PRKCQ: variants seen among roughly 807,000 people sequenced by gnomAD.
PRKCQ encodes the protein protein kinase C theta.
In PRKCQ, 41 loss-of-function variants were observed where a neutral mutation model predicts 91.2. The observed-to-expected ratio is 0.45, with a 90% CI of 0.35 to 0.58. The LOEUF (loss-of-function observed/expected upper bound fraction) is 0.58. Among genes scored for constraint, PRKCQ ranks in the 20% least tolerant of loss-of-function variants. PRKCQ has a pLI of 0.00. For synonymous variants in PRKCQ, 307 were observed against 316.9 expected (o/e 0.97, Z 0.33); for missense variants, 673 against 896.5 (o/e 0.75, Z 3.18).
chr10:6,560,533 C>G (rs1312207764), intron 1 of PRKCQ, among the ~76,000 whole-genome samples: 1 of 152,188 alleles, frequency 6.6e-6, no homozygotes, highest in African/African-American at 2.4e-5. Context: ...GCGACTTTGT[C>G]TCCGCCCCTG....
chr10:6,526,346 C>T (rs772101298), intron 1 of PRKCQ, among the ~76,000 whole-genome samples: 1 of 152,164 alleles, frequency 6.6e-6, no homozygotes, highest in Non-Finnish European at 1.5e-5. Context: ...ACACTGCAGT[C>T]AGCCAAAGAG....
chr10:6,405,153 T>A, the PRKCQ span, among the ~76,000 whole-genome samples: 1 of 152,102 alleles, frequency 6.6e-6, no homozygotes, highest in African/African-American at 2.4e-5. Context: ...TGCTAATTTT[T>A]TGTATTTTTG....
At chr10:6,472,076 A>AG (rs903517281) in intron 12 of PRKCQ, among the ~76,000 whole-genome samples, 5 of 152,342 alleles carry the variant, frequency 3.3e-5, no homozygotes, top group African/African-American at 1.2e-4. Flanking sequence ...TGGGAGGCCG[A>AG]GGTGGGTGTA....
intron 12 of PRKCQ, among the ~76,000 whole-genome samples, chr10:6,467,210 G>A (rs995893147): frequency 2.0e-5 from 3 of 152,070 alleles, no homozygotes; most frequent in Admixed American, 6.6e-5. Flanking sequence ...GATGGCTCTC[G>A]AAAGAAAGAA....
chr10:6,420,588 A>AT, the PRKCQ span, among the ~76,000 whole-genome samples: 3 of 152,046 alleles, frequency 2.0e-5, no homozygotes, highest in South Asian at 2.1e-4. Context: ...GCAGAGGATA[A>AT]TTTTTTTGAG....
chr10:6,419,047 ATCTC>A, the PRKCQ span, among the ~76,000 whole-genome samples: 2 of 150,852 alleles, frequency 1.3e-5, no homozygotes, highest in African/African-American at 2.4e-5. Flanking sequence ...TCATCCATCT[ATCTC>A]TATCTATGTA....
chr10:6,545,427 G>C (rs186515925), intron 1 of PRKCQ, among the ~76,000 whole-genome samples: 99 of 152,324 alleles, frequency 6.5e-4, no homozygotes, highest in African/African-American at 2.3e-3. Context: ...AGGACGTGGT[G>C]ACACCTGCTA....
At chr10:6,559,119 GAA>G (rs890769863) in intron 1 of PRKCQ, among the ~76,000 whole-genome samples, 9 of 152,162 alleles carry the variant, frequency 5.9e-5, no homozygotes, top group Non-Finnish European at 1.0e-4. Flanking sequence ...GGTTTAAAAA[GAA>G]AAGTTACGTA....
chr10:6,529,677 G>C (rs1332271174), intron 1 of PRKCQ, among the ~76,000 whole-genome samples: 4 of 152,174 alleles, frequency 2.6e-5, no homozygotes, highest in African/African-American at 9.7e-5. Context: ...ATGGAGTATA[G>C]GCCAGCTCTA....
chr10:6,419,603 T>C, the PRKCQ span, among the ~76,000 whole-genome samples: 1 of 152,188 alleles, frequency 6.6e-6, no homozygotes, highest in Non-Finnish European at 1.5e-5. Context: ...ATTCTTTTAT[T>C]TGGAATTAAT....
chr10:6,530,144 A>G (rs976693453), intron 1 of PRKCQ, among the ~76,000 whole-genome samples: 1 of 152,166 alleles, frequency 6.6e-6, no homozygotes, highest in East Asian at 1.9e-4. Flanking sequence ...TGGGGTAGGT[A>G]TGGGGCAAAC....
intron 1 of PRKCQ, chr10:6,515,541 G>A: frequency 1.0e-6 from 1 of 978,672 alleles, no homozygotes; most frequent in Non-Finnish European, 1.2e-6. Context: ...AGTTTATATA[G>A]AGCGAGTCTA....
At chr10:6,452,510 T>C (rs1387227905) in intron 15 of PRKCQ, among the ~76,000 whole-genome samples, 3 of 151,580 alleles carry the variant, frequency 2.0e-5, no homozygotes, top group African/African-American at 2.4e-5. Flanking sequence ...AGGTAATTTA[T>C]AGATTCAATG....
intron 1 of PRKCQ, among the ~76,000 whole-genome samples, chr10:6,546,651 T>C (rs764605186): frequency 6.6e-6 from 1 of 152,256 alleles, no homozygotes. Context: ...TGGAGTTTTC[T>C]AGATATACAG....
intron 2 of PRKCQ, among the ~76,000 whole-genome samples, chr10:6,511,465 C>T (rs1319423740): frequency 2.6e-5 from 4 of 152,148 alleles, no homozygotes; most frequent in African/African-American, 9.7e-5. Context: ...AAATTGTTAC[C>T]AAAACACCAG....
intron 1 of PRKCQ, among the ~76,000 whole-genome samples, chr10:6,545,660 C>T (rs1483489105): frequency 2.0e-5 from 3 of 152,086 alleles, no homozygotes; most frequent in Non-Finnish European, 2.9e-5. Flanking sequence ...TCTGGAGATG[C>T]GTGGTGGCGA....
At chr10:6,444,140 G>A (rs571213731) in intron 15 of PRKCQ, among the ~76,000 whole-genome samples, 1 of 152,028 alleles carries the variant, frequency 6.6e-6, no homozygotes, top group Non-Finnish European at 1.5e-5. Flanking sequence ...GCACAATCTC[G>A]GCTCACTGCA....
the PRKCQ span, among the ~76,000 whole-genome samples, chr10:6,398,929 A>T: frequency 6.6e-6 from 1 of 152,066 alleles, no homozygotes; most frequent in African/African-American, 2.4e-5. Flanking sequence ...AATTAAAAAA[A>T]AATTTTATAG....
chr10:6,487,198 T>G (rs1588742777), intron 8 of PRKCQ, among the ~76,000 whole-genome samples: 1 of 152,154 alleles, frequency 6.6e-6, no homozygotes, highest in Non-Finnish European at 1.5e-5. Flanking sequence ...GAATGTTAAC[T>G]AAGTGGATCT....
Sources: gnomAD v4.1 joint callset for allele counts (sites outside exome capture counted in the v4.1 genomes callset) on GRCh38, gnomAD v4.1.1 for gene constraint, MANE v1.5 for transcripts, NCBI Gene and HGNC (gene_info 2026-07-23, HGNC 2026-07-21) for gene names.